Variants in DACH1 observed in about 807,000 individuals in gnomAD.
DACH1 encodes the protein dachshund family transcription factor 1.
Under a neutral mutation model 54.2 loss-of-function variants are expected in DACH1, and 12 were observed. The observed-to-expected ratio is 0.22, with a 90% CI of 0.14 to 0.36. The LOEUF (loss-of-function observed/expected upper bound fraction) is 0.36. Ranked by LOEUF, DACH1 falls within the 10% of genes least tolerant of loss-of-function variation. The pLI is 1.00. For missense variants in DACH1, 805 were observed against 929.8 expected (o/e 0.87, Z 1.75); for synonymous variants, 386 against 366.2 (o/e 1.05, Z -0.62).
Position 71,866,996 on chromosome 13 carries a change from A to G in DACH1, c.-227T>C. On this transcript the variant is annotated 5_prime_UTR_variant, in exon 1 of 11. Coordinates refer to ENST00000613252, the MANE Select transcript of DACH1 (RefSeq NM_080759.6). ...CGAGAGGCGCTCTGGAGAGGAACGC[A>G]CAAAAGTGTCCCGCAAGTCGAAATG... is the stretch of plus-strand genomic sequence containing the variant. The G allele has an allele frequency of 3.8e-6, 1 of 265,360 alleles. No individual in the cohort carries two copies. Among genetic ancestry groups the G allele is most frequent in the Non-Finnish European group, 6.9e-6 (1 of 144,662 alleles). The allele number at this position is 265,360 out of a possible 1,614,324, so 16.4% of individuals were successfully genotyped here.
chr13:71,540,914 C>T (rs1451265733), intron 6 of DACH1, among the ~76,000 whole-genome samples: 1 of 151,932 alleles, frequency 6.6e-6, no homozygotes, highest in Admixed American at 6.6e-5. Context: ...TATCTATTAA[C>T]CCATAAACCC....
At chr13:71,660,186 C>A (rs1052007112) in intron 2 of DACH1, among the ~76,000 whole-genome samples, 1 of 152,054 alleles carries the variant, frequency 6.6e-6, no homozygotes, top group East Asian at 1.9e-4. Context: ...TAAGTGCTGG[C>A]AGCCGAAATT....
intron 3 of DACH1, among the ~76,000 whole-genome samples, chr13:71,622,854 T>A (rs1419428487): frequency 6.6e-6 from 1 of 151,802 alleles, no homozygotes; most frequent in Non-Finnish European, 1.5e-5. Context: ...TACTCTATTA[T>A]CTAGTCATTA....
intron 10 of DACH1, among the ~76,000 whole-genome samples, chr13:71,454,251 G>A (rs943884519): frequency 2.0e-5 from 3 of 152,112 alleles, no homozygotes; most frequent in African/African-American, 7.2e-5. Context: ...CCATTAAATA[G>A]TAGGAATATA....
At chr13:71,740,574 A>T (rs1884338269) in intron 1 of DACH1, among the ~76,000 whole-genome samples, 1 of 152,124 alleles carries the variant, frequency 6.6e-6, no homozygotes, top group African/African-American at 2.4e-5. Flanking sequence ...CAAAGAAAAA[A>T]ATTGTTTATG....
rs537721526 is a variant in DACH1, at chr13:71,510,541, T to C, written c.1571-21393A>G. Among the ~76,000 whole-genome samples, 15 of 152,198 alleles carry C rather than the reference T, an allele frequency of 9.9e-5. No individual in the cohort carries two copies. In the East Asian group the frequency reaches 2.7e-3, roughly 27 times the overall value. On this transcript the variant is annotated intron_variant, in intron 6 of 10. Transcript: ENST00000613252. The stretch of plus-strand genomic sequence containing the variant: ...ATCGTTAGTGTGACATTCTAGTTCA[T>C]AGAGTTACAAAGACATAGATTTATC...
intron 6 of DACH1, among the ~76,000 whole-genome samples, chr13:71,539,558 T>C (rs967879649): frequency 2.6e-5 from 4 of 152,084 alleles, no homozygotes; most frequent in Non-Finnish European, 4.4e-5. Flanking sequence ...ATAATCAATA[T>C]AAAAACTTGC....
intron 1 of DACH1, among the ~76,000 whole-genome samples, chr13:71,696,339 A>G (rs1285725150): frequency 1.3e-5 from 2 of 152,164 alleles, no homozygotes; most frequent in South Asian, 2.1e-4. Flanking sequence ...TGATATAACT[A>G]TCATCATTAT....
chr13:71,725,171 C>T (rs902638328), intron 1 of DACH1, among the ~76,000 whole-genome samples: 2 of 152,038 alleles, frequency 1.3e-5, no homozygotes, highest in Admixed American at 6.6e-5. Flanking sequence ...AAACAAGTCT[C>T]ATCAAAGCAA....
chr13:71,680,432 T>C lies in DACH1; in HGVS notation c.964+1363A>G, dbSNP rs368063981. Among the ~76,000 whole-genome samples the C allele has an allele frequency of 4.9e-4, 75 of 151,962 alleles. No individual in the cohort carries two copies. In the East Asian group the frequency reaches 0.014, roughly 28 times the overall value. On this transcript the variant is annotated intron_variant, in intron 2 of 10. Coordinates refer to ENST00000613252, the MANE Select transcript of DACH1 (RefSeq NM_080759.6). ...GACAGGGCAACATGAAGAAACCCCA[T>C]CTCTAGAAAAAAAATACAAAAATTA...
chr13:71,864,751 C>G (rs1187587849), intron 1 of DACH1, among the ~76,000 whole-genome samples: 2 of 149,984 alleles, frequency 1.3e-5, no homozygotes, highest in Non-Finnish European at 3.0e-5. Flanking sequence ...CACTCCCGCC[C>G]CCTCTTGGTA....
rs554644718 is a variant in DACH1, at chr13:71,692,205, G to C, written c.849-10295C>G. On this transcript the variant is annotated intron_variant, in intron 1 of 10. Transcript: ENST00000613252. ...GTAAATCATATTAACAGCAATGTTTGGTGCTTAATTGGGTCAAAGGGAAAG... is the reference window on the plus strand; with the variant it reads ...GTAAATCATATTAACAGCAATGTTTCGTGCTTAATTGGGTCAAAGGGAAAG... 1.2e-4 allele frequency among the ~76,000 whole-genome samples: 19 copies of C among 152,154 alleles called. 1 individual carries two copies. In the South Asian group the frequency reaches 3.9e-3, roughly 32 times the overall value.
rs546012454 is a variant in DACH1 at position 71,813,014 on chromosome 13, T to C, written c.848+52908A>G. ...ACTGCCTAAGTCATTCTTCTTCCAATAGGTTTCATGCATGGCTTATACTAA... is the reference window on the plus strand; with the variant it reads ...ACTGCCTAAGTCATTCTTCTTCCAACAGGTTTCATGCATGGCTTATACTAA... On this transcript the variant is annotated intron_variant, in intron 1 of 10. Transcript: ENST00000613252. Among the ~76,000 whole-genome samples the C allele has an allele frequency of 7.9e-5, 12 of 152,304 alleles. 1 individual carries two copies. The South Asian group carries it at 1.0e-3, about 13-fold the overall frequency.
At chr13:71,548,545 T>C (rs1034171902) in intron 6 of DACH1, among the ~76,000 whole-genome samples, 8 of 152,154 alleles carry the variant, frequency 5.3e-5, no homozygotes, top group Non-Finnish European at 1.2e-4. Context: ...TAGCTGTCCA[T>C]TTACAAAATT....
chr13:71,847,671 T>C (rs1873369897), intron 1 of DACH1, among the ~76,000 whole-genome samples: 1 of 152,202 alleles, frequency 6.6e-6, no homozygotes, highest in Admixed American at 6.5e-5. Flanking sequence ...TTTCTTCTCC[T>C]GTGGTGAATT....
At chr13:71,803,249 A>G (rs1378122833) in intron 1 of DACH1, among the ~76,000 whole-genome samples, 1 of 152,136 alleles carries the variant, frequency 6.6e-6, no homozygotes, top group Non-Finnish European at 1.5e-5. Flanking sequence ...GATTCCTGGT[A>G]GTGCTTTAAC....
rs556619821 is a variant in DACH1, at chr13:71,844,919, A to AT, written c.848+21002_848+21003insA. 1.9e-4 allele frequency among the ~76,000 whole-genome samples: 29 copies of AT among 152,298 alleles called. No individual in the cohort carries two copies. In the East Asian group the frequency reaches 2.9e-3, roughly 15 times the overall value. ...GGAAGCTTCAAAAAGTTGATGTCAC[A>AT]GAAGTAAAAAGTAGAACAGTGGATA... On this transcript the variant is annotated intron_variant, in intron 1 of 10. Coordinates refer to ENST00000613252, the MANE Select transcript of DACH1 (RefSeq NM_080759.6).
chr13:71,656,807 TAGATAGATAGAC>T (rs1318403378), intron 2 of DACH1, among the ~76,000 whole-genome samples: 41 of 148,386 alleles, frequency 2.8e-4, no homozygotes, highest in Non-Finnish European at 4.8e-4. Flanking sequence ...TTGAAAAGTA[TAGATAGATAGAC>T]AGATAGATAG....
At chr13:71,712,895 C>CT (rs1377030944) in intron 1 of DACH1, among the ~76,000 whole-genome samples, 1 of 152,070 alleles carries the variant, frequency 6.6e-6, no homozygotes, top group African/African-American at 2.4e-5. Flanking sequence ...AGCAATGACT[C>CT]TAGCAGTCAC....
Sources: gnomAD v4.1 joint callset for allele counts (sites outside exome capture counted in the v4.1 genomes callset) on GRCh38, gnomAD v4.1.1 for gene constraint, MANE v1.5 for transcripts, NCBI Gene and HGNC (gene_info 2026-07-23, HGNC 2026-07-21) for gene names.